THSD4: variants seen among roughly 807,000 people sequenced by gnomAD.
THSD4 encodes thrombospondin type-1 domain-containing protein 4.
Under a neutral mutation model 119.0 loss-of-function variants are expected in THSD4, and 69 were observed. That is an observed-to-expected ratio of 0.58 (90% CI 0.48 to 0.71). The LOEUF is 0.71. Among genes scored for constraint, THSD4 ranks in the 30% least tolerant of loss-of-function variants. The pLI, the probability that THSD4 is intolerant of heterozygous loss-of-function variation, is 0.00. For synonymous variants in THSD4, 524 were observed against 540.4 expected (o/e 0.97, Z 0.42); for missense variants, 1,393 against 1,391.1 (o/e 1.00, Z -0.02).
chr15:71,242,424 G>T (rs971093819), intron 4 of THSD4, among the ~76,000 whole-genome samples: 1 of 152,128 alleles, frequency 6.6e-6, no homozygotes, highest in Non-Finnish European at 1.5e-5. Flanking sequence ...TTCATCCTCT[G>T]TTGATTCCCT....
rs377191811 is a variant in THSD4, at chr15:71,233,095, T to G, written c.465-9554T>G. On this transcript the variant is annotated intron_variant, in intron 4 of 17. Coordinates refer to ENST00000261862, the MANE Select transcript of THSD4 (RefSeq NM_024817.3). ...CGCCTCGGTATGAGCTTGATGCTGG[T>G]CTGTGCTGATCTAAAATCTTTCTGG... is the stretch of plus-strand genomic sequence containing the variant. 1.9e-3 allele frequency among the ~76,000 whole-genome samples: 286 copies of G among 152,346 alleles called. 2 individuals carry two copies. The highest frequency in any genetic ancestry group is 6.5e-3 in the African/African-American group (272 of 41,576).
chr15:71,457,260 G>A (rs533655740), intron 7 of THSD4, among the ~76,000 whole-genome samples: 3 of 151,514 alleles, frequency 2.0e-5, no homozygotes, highest in Admixed American at 2.0e-4. Flanking sequence ...GCGTGCTCCT[G>A]TAGTGCCAGC....
intron 4 of THSD4, among the ~76,000 whole-genome samples, chr15:71,233,756 A>G (rs1330578226): frequency 6.6e-6 from 1 of 152,244 alleles, no homozygotes; most frequent in Non-Finnish European, 1.5e-5. Flanking sequence ...TTATTTTTCT[A>G]TAACTAGATG....
chr15:71,117,359 G>A (rs976740852), intron 1 of THSD4, among the ~76,000 whole-genome samples: 2 of 152,006 alleles, frequency 1.3e-5, no homozygotes, highest in African/African-American at 4.8e-5. Context: ...TTTTTGCCTC[G>A]AAAAACTTGT....
chr15:71,494,491 C>G (rs2140709553), intron 7 of THSD4, among the ~76,000 whole-genome samples: 1 of 152,302 alleles, frequency 6.6e-6, no homozygotes, highest in East Asian at 1.9e-4. Context: ...TTTCAAGCAA[C>G]TGAAGTCTGT....
intron 6 of THSD4, among the ~76,000 whole-genome samples, chr15:71,276,431 A>T (rs191647686): frequency 6.6e-5 from 10 of 152,314 alleles, no homozygotes; most frequent in Admixed American, 6.5e-4. Flanking sequence ...AGTGTGGTTA[A>T]TGAGTCATAA....
chr15:71,479,537 C>T (rs568503270), intron 7 of THSD4, among the ~76,000 whole-genome samples: 14 of 152,218 alleles, frequency 9.2e-5, no homozygotes, highest in African/African-American at 2.9e-4. Context: ...CACTAATTCA[C>T]AGATATGCAT....
chr15:71,394,260 A>G (rs1175500252), intron 6 of THSD4, among the ~76,000 whole-genome samples: 1 of 132,076 alleles, frequency 7.6e-6, no homozygotes, highest in Non-Finnish European at 1.6e-5. Flanking sequence ...GTCCAAACAC[A>G]TTTGTCTTTT....
At chr15:71,602,026 G>A (rs1208777995) in intron 7 of THSD4, among the ~76,000 whole-genome samples, 1 of 152,148 alleles carries the variant, frequency 6.6e-6, no homozygotes, top group Non-Finnish European at 1.5e-5. Context: ...TGTAGGAGGT[G>A]GGATTTCAGC....
At chr15:71,254,664 T>C (rs2044294238) in intron 5 of THSD4, among the ~76,000 whole-genome samples, 1 of 152,228 alleles carries the variant, frequency 6.6e-6, no homozygotes, top group Admixed American at 6.5e-5. Flanking sequence ...CACATCCTAC[T>C]TGAACTCTGG....
At chr15:71,162,367 T>C (rs2043256466) in intron 3 of THSD4, among the ~76,000 whole-genome samples, 1 of 152,090 alleles carries the variant, frequency 6.6e-6, no homozygotes, top group Admixed American at 6.5e-5. Flanking sequence ...TTATTTCCTC[T>C]TCATTTCTGA....
At chr15:71,587,804 AAAAAAAAAG>A (rs2049709939) in intron 7 of THSD4, among the ~76,000 whole-genome samples, 2 of 125,568 alleles carry the variant, frequency 1.6e-5, no homozygotes, top group African/African-American at 6.1e-5. Flanking sequence ...AAAAAAGAAA[AAAAAAAAAG>A]AAAAACCAAA....
In THSD4 at chr15:71,712,457, G is replaced by T. The variant is rs184044506; in HGVS notation, c.1358-16092G>T. On this transcript the variant is annotated intron_variant, in intron 8 of 17. Transcript: ENST00000261862. ...TCAATAATGTGATGTTCAACCTTGA[G>T]AAACTAGGAAAAGAAGAGCAAGTTA... Among the ~76,000 whole-genome samples the T allele has an allele frequency of 2.3e-3, 349 of 152,258 alleles. 4 individuals are homozygous for T. Among genetic ancestry groups the T allele is most frequent in the Non-Finnish European group, 5.9e-4 (40 of 68,014 alleles).
At chr15:71,413,717 A>G (rs1453723898) in intron 7 of THSD4, among the ~76,000 whole-genome samples, 1 of 152,250 alleles carries the variant, frequency 6.6e-6, no homozygotes, top group Non-Finnish European at 1.5e-5. Flanking sequence ...TTGGAAGAGC[A>G]AACCCTGAAA....
intron 8 of THSD4, among the ~76,000 whole-genome samples, chr15:71,668,968 T>C (rs1016942096): frequency 6.6e-6 from 1 of 152,210 alleles, no homozygotes; most frequent in Non-Finnish European, 1.5e-5. Context: ...TCCATGAATA[T>C]CCTAATATGT....
Position 71,229,125 on chromosome 15 carries a change from C to T in THSD4, c.465-13524C>T, listed in dbSNP as rs1013652347. On this transcript the variant is annotated intron_variant, in intron 4 of 17. Coordinates refer to ENST00000261862, the MANE Select transcript of THSD4 (RefSeq NM_024817.3). ...GTTGTTAAGCTCTTTAGAGGCTTGC[C>T]CTTATTCATTCAGTCACATTTGTTA... Among the ~76,000 whole-genome samples, 5 of 152,096 alleles carry T rather than the reference C, an allele frequency of 3.3e-5. No individual in the cohort carries two copies. In the East Asian group the frequency reaches 5.8e-4, roughly 18 times the overall value.
chr15:71,319,864 A>G (rs2045243645), intron 6 of THSD4, among the ~76,000 whole-genome samples: 1 of 152,218 alleles, frequency 6.6e-6, no homozygotes, highest in Admixed American at 6.5e-5. Context: ...CAAGTGTTAC[A>G]AACACGTGAT....
intron 7 of THSD4, among the ~76,000 whole-genome samples, chr15:71,536,592 A>G (rs2048691602): frequency 6.6e-6 from 1 of 152,178 alleles, no homozygotes; most frequent in Admixed American, 6.6e-5. Flanking sequence ...TATTTGTTTA[A>G]TGGACAAGTA....
chr15:71,294,676 C>T (rs2044838251), intron 6 of THSD4, among the ~76,000 whole-genome samples: 1 of 152,086 alleles, frequency 6.6e-6, no homozygotes, highest in South Asian at 2.1e-4. Context: ...ATGTAAATGC[C>T]TGGCCCAAGA....
Sources: gnomAD v4.1 joint callset for allele counts (sites outside exome capture counted in the v4.1 genomes callset) on GRCh38, gnomAD v4.1.1 for gene constraint, MANE v1.5 for transcripts, NCBI Gene and HGNC (gene_info 2026-07-23, HGNC 2026-07-21) for gene names.